SEPTIN9: variants seen among roughly 807,000 people sequenced by gnomAD.
SEPTIN9 encodes the protein septin-9.
In SEPTIN9, 13 loss-of-function variants were observed where a neutral mutation model predicts 56.6. The observed-to-expected ratio is 0.23, with a 90% confidence interval of 0.15 to 0.37. The LOEUF (loss-of-function observed/expected upper bound fraction) is 0.37. Among genes scored for constraint, SEPTIN9 ranks in the 10% least tolerant of loss-of-function variants. The probability of loss-of-function intolerance (pLI) is 1.00; values close to 1 mark genes in which losing one functional copy is unlikely to be tolerated. For missense variants in SEPTIN9, 650 were observed against 823.1 expected, an observed-to-expected ratio of 0.79 and a Z score of 2.57; for synonymous variants, 332 against 334.1, an observed-to-expected ratio of 0.99 and a Z score of 0.07.
chr17:77,331,959 C>T (rs1213418416), intron 2 of SEPTIN9, among the ~76,000 whole-genome samples: 4 of 151,968 alleles, frequency 2.6e-5, no homozygotes, highest in African/African-American at 9.7e-5. Flanking sequence ...AACTTTTTGC[C>T]GTAAAACTTT....
chr17:77,407,224 G>A (rs1369181779), intron 3 of SEPTIN9, among the ~76,000 whole-genome samples: 3 of 148,056 alleles, frequency 2.0e-5, no homozygotes, highest in Non-Finnish European at 4.5e-5. Flanking sequence ...TTGAGGCTGC[G>A]GTGAGCTGAG....
rs1161290691 is a variant in SEPTIN9 at position 77,488,233 on chromosome 17, T to C, written c.1043-7T>C. The C allele has an allele frequency of 1.9e-6, 3 of 1,613,514 alleles. No individual in the cohort carries two copies. The highest frequency in any genetic ancestry group is 1.1e-5 in the South Asian group (1 of 91,084). ...CCCTCTGACTCTGCGTCCGTGGCTC[T>C]GTGCAGATATTGAGGAGAAAGGCGT... On this transcript the variant is annotated splice_polypyrimidine_tract_variant and splice_region_variant and intron_variant, in intron 5 of 11. Coordinates refer to ENST00000427177, the MANE Select transcript of SEPTIN9 (RefSeq NM_001113491.2).
intron 3 of SEPTIN9, among the ~76,000 whole-genome samples, chr17:77,417,863 T>G (rs2036558701): frequency 6.6e-6 from 1 of 152,202 alleles, no homozygotes; most frequent in African/African-American, 2.4e-5. Flanking sequence ...AACCCAGCCT[T>G]GCTCGGGGTT....
intron 3 of SEPTIN9, among the ~76,000 whole-genome samples, chr17:77,408,913 A>G (rs538041697): frequency 6.6e-6 from 1 of 152,224 alleles, no homozygotes; most frequent in East Asian, 1.9e-4. Context: ...GTCCAGTACC[A>G]GGTGTAAGGC....
At chr17:77,480,689 C>G (rs932574878) in intron 3 of SEPTIN9, among the ~76,000 whole-genome samples, 6 of 152,186 alleles carry the variant, frequency 3.9e-5, no homozygotes, top group African/African-American at 1.4e-4. Flanking sequence ...TGTGGCTGCC[C>G]CTGCTGGGTG....
rs1221649511 is a variant in SEPTIN9 at position 77,367,797 on chromosome 17, CAG to C, written c.77-34259_77-34258del. On this transcript the variant is annotated intron_variant, in intron 2 of 11. Transcript: ENST00000427177. This position sits in a 1 kb window ranked among gnomAD's most constrained non-coding sequence, Gnocchi z 4.5. ...CGCCACTACACTACAGCCCGGGCGA[CAG>C]AGTGAGACTGTCTAAAATAATAATA... Among the ~76,000 whole-genome samples the C allele has an allele frequency of 1.3e-5, 2 of 152,104 alleles. No individual in the cohort carries two copies. The highest frequency in any genetic ancestry group is 6.5e-5 in the Admixed American group (1 of 15,274).
chr17:77,474,669 C>A (rs2039136656), intron 3 of SEPTIN9, among the ~76,000 whole-genome samples: 1 of 152,304 alleles, frequency 6.6e-6, no homozygotes, highest in South Asian at 2.1e-4. Flanking sequence ...GAAGACCTGG[C>A]CTGGGGAGGG....
intron 2 of SEPTIN9, among the ~76,000 whole-genome samples, chr17:77,355,355 G>A (rs867501663): frequency 3.4e-4 from 52 of 152,312 alleles, no homozygotes; most frequent in African/African-American, 1.2e-3. Flanking sequence ...TTGGATGTGT[G>A]GGTGATTGTC....
At position 77,435,148 on chromosome 17, in the gene SEPTIN9, A is replaced by G. The variant is rs928898431; in HGVS notation, c.721+32445A>G. On this transcript the variant is annotated intron_variant, in intron 3 of 11. Transcript: ENST00000427177. The surrounding 1 kb of genome is among the most constrained non-coding windows in gnomAD (Gnocchi z 4.5). ...TTCACCGATGAGGAACCCACAGCCC[A>G]GAGATGTTAAGTAACCTGCCCAAGC... 2.0e-5 allele frequency among the ~76,000 whole-genome samples: 3 copies of G among 152,156 alleles called. No individual in the cohort carries two copies. The highest frequency in any genetic ancestry group is 2.9e-5 in the Non-Finnish European group (2 of 68,024).
At chr17:77,443,626 C>T (rs1164060711) in intron 3 of SEPTIN9, among the ~76,000 whole-genome samples, 6 of 151,928 alleles carry the variant, frequency 3.9e-5, no homozygotes, top group Non-Finnish European at 1.5e-5. Context: ...AACCCTGTCT[C>T]TGCTAAAAAT....
At chr17:77,331,077 G>T (rs2033330663) in intron 2 of SEPTIN9, among the ~76,000 whole-genome samples, 1 of 152,216 alleles carries the variant, frequency 6.6e-6, no homozygotes, top group Non-Finnish European at 1.5e-5. Context: ...GCTTCAGGCT[G>T]GGTACAGTGG....
At position 77,329,242 on chromosome 17, in the gene SEPTIN9, C is replaced by T. The variant is rs1161678734; in HGVS notation, c.76+22045C>T. Among the ~76,000 whole-genome samples, 1 of 152,172 alleles carries T rather than the reference C, an allele frequency of 6.6e-6. No homozygotes were observed. The highest frequency in any genetic ancestry group is 1.5e-5 in the Non-Finnish European group (1 of 68,016). On this transcript the variant is annotated intron_variant, in intron 2 of 11. Transcript: ENST00000427177. The surrounding 1 kb of genome is among the most constrained non-coding windows in gnomAD (Gnocchi z 4.3). The stretch of plus-strand genomic sequence containing the variant: ...GAGGAGGCTGCTGCAGGCCCTGCAG[C>T]TGGAGAGGGAGGATCAGGATCTCTT...
chr17:77,320,290 G>GCCGGGACT, intron 2 of SEPTIN9: 1 of 1,612,032 alleles, frequency 6.2e-7, no homozygotes, highest in Non-Finnish European at 8.5e-7. Flanking sequence ...TGAGCGGGAC[G>GCCGGGACT]CCGGGACTCC....
At chr17:77,307,242 G>T in intron 2 of SEPTIN9, 45 bp downstream of exon 2, 1 of 1,554,222 alleles carries the variant, frequency 6.4e-7, no homozygotes, top group Non-Finnish European at 8.9e-7. Flanking sequence ...TCATGGGTGT[G>T]TTTGTGCTGG....
rs183100150 is a variant in SEPTIN9, at chr17:77,378,950, G to T, written c.77-23109G>T. On this transcript the variant is annotated intron_variant, in intron 2 of 11. Transcript: ENST00000427177. ...GCTGGATGACCGGACCATGAGGACA[G>T]CGGGGGCGCTGGCAGCCTGCGTTCG... Among the ~76,000 whole-genome samples, 339 of 152,178 alleles carry T rather than the reference G, an allele frequency of 2.2e-3. 2 individuals are homozygous for T. The highest frequency in any genetic ancestry group is 3.0e-3 in the Non-Finnish European group (204 of 67,986).
At chr17:77,302,182 A>C (rs1415340879) in intron 1 of SEPTIN9, among the ~76,000 whole-genome samples, 1 of 152,204 alleles carries the variant, frequency 6.6e-6, no homozygotes, top group Non-Finnish European at 1.5e-5. Context: ...GTAAAAGAAA[A>C]AATAGCTGGG....
rs1007178772 is a variant in SEPTIN9 at position 77,436,818 on chromosome 17, G to T, written c.721+34115G>T. On this transcript the variant is annotated intron_variant, in intron 3 of 11. Transcript: ENST00000427177. This position sits in a 1 kb window ranked among gnomAD's most constrained non-coding sequence, Gnocchi z 4.4. The stretch of plus-strand genomic sequence containing the variant: ...TTCTGGCCCTGGTAAGGACACCCAG[G>T]AGAGGGCCAGGGTGCCTGTATTTGG... 4.6e-5 allele frequency among the ~76,000 whole-genome samples: 7 copies of T among 152,266 alleles called. No individual in the cohort carries two copies. Among genetic ancestry groups the T allele is most frequent in the Non-Finnish European group, 5.9e-5 (4 of 68,052 alleles).
At chr17:77,343,370 C>A (rs2033796454) in intron 2 of SEPTIN9, among the ~76,000 whole-genome samples, 1 of 152,172 alleles carries the variant, frequency 6.6e-6, no homozygotes, top group South Asian at 2.1e-4. Flanking sequence ...TTGTTGAATA[C>A]CTGCAGGTGC....
chr17:77,403,795 A>G (rs369043284), intron 3 of SEPTIN9, among the ~76,000 whole-genome samples: 3 of 152,224 alleles, frequency 2.0e-5, no homozygotes, highest in African/African-American at 4.8e-5. Flanking sequence ...ACAATGTGCA[A>G]TTTTAGCCAC....
Sources: allele counts gnomAD v4.1 joint callset (sites outside exome capture counted in the v4.1 genomes callset), GRCh38; gene constraint gnomAD v4.1.1; non-coding constraint Gnocchi (gnomAD v3.1); transcripts MANE v1.5; gene names NCBI Gene and HGNC (gene_info 2026-07-23, HGNC 2026-07-21).